Variants in PCDHGA4 observed in about 807,000 individuals in gnomAD.
The protein encoded by PCDHGA4 is protocadherin gamma subfamily A, 4, also known as protocadherin gamma-A4.
A neutral mutation model predicts 54.6 loss-of-function variants in PCDHGA4; 38 were observed. The ratio of observed to expected loss-of-function variants is 0.70; its 90% CI spans 0.54 to 0.91. PCDHGA4 has a LOEUF of 0.91. Ranked by LOEUF, PCDHGA4 falls within the 40% of genes least tolerant of loss-of-function variation. The probability of loss-of-function intolerance (pLI) is 0.00; values close to 1 mark genes in which losing one functional copy is unlikely to be tolerated. For synonymous variants in PCDHGA4, 511 were observed against 512.9 expected (o/e 1.00, Z 0.05); for missense variants, 1,298 against 1,220.9 (o/e 1.06, Z -0.94).
chr5:141,447,123 TTTTG>T (rs1327676720), intron 1 of PCDHGA4, among the ~76,000 whole-genome samples: 7 of 152,278 alleles, frequency 4.6e-5, no homozygotes, highest in African/African-American at 1.4e-4. Context: ...CCATGGATTT[TTTTG>T]TTTGTTTGTT....
Position 141,361,957 on chromosome 5 carries a change from G to C in PCDHGA4, c.2514+4336G>C, listed in dbSNP as rs976081209. On this transcript the variant is annotated intron_variant, in intron 1 of 3. Transcript: ENST00000571252. The stretch of plus-strand genomic sequence containing the variant: ...ACACAACGCTTGGCTGTCCTACCAC[G>C]TGCTGCAGGCCAGCGAGCCCGGGCT... 1.0e-5 allele frequency: 16 copies of C among 1,603,004 alleles called. No individual in the cohort carries two copies. In the Admixed American group the frequency reaches 1.8e-4, roughly 19 times the overall value.
At chr5:141,368,374 T>TACACACATACAC (rs1250465847) in intron 1 of PCDHGA4, among the ~76,000 whole-genome samples, 1 of 152,022 alleles carries the variant, frequency 6.6e-6, no homozygotes, top group African/African-American at 2.4e-5. Context: ...CACATATATA[T>TACACACATACAC]ACACACATAC....
intron 1 of PCDHGA4, chr5:141,395,266 T>C (rs1369566717): frequency 1.9e-6 from 3 of 1,548,854 alleles, no homozygotes; most frequent in Non-Finnish European, 8.7e-7. Context: ...TTGCTTTTAA[T>C]TTCCAGATGA....
At position 141,493,396 on chromosome 5, in the gene PCDHGA4, G is replaced by A. The variant is rs562217310; in HGVS notation, c.2515-1411G>A. 1.3e-5 allele frequency among the ~76,000 whole-genome samples: 2 copies of A among 152,274 alleles called. No homozygotes were observed. Among genetic ancestry groups the A allele is most frequent in the East Asian group, 3.9e-4 (2 of 5,178 alleles). The stretch of plus-strand genomic sequence containing the variant: ...TTTAAAAGCTTGAGGACAGGAGAGG[G>A]GAGTTGCCTCTGCTGGGATTTTGCT... On this transcript the variant is annotated intron_variant, in intron 1 of 3. Transcript: ENST00000571252. This position sits in a 1 kb window ranked among gnomAD's most constrained non-coding sequence, Gnocchi z 4.3.
intron 1 of PCDHGA4, chr5:141,371,334 A>G (rs1767674983): frequency 3.1e-6 from 5 of 1,613,888 alleles, no homozygotes; most frequent in Non-Finnish European, 4.2e-6. Context: ...AGAGAGAGAT[A>G]GCTACACAAT....
chr5:141,371,469 G>T, intron 1 of PCDHGA4: 1 of 1,613,990 alleles, frequency 6.2e-7, no homozygotes, highest in Non-Finnish European at 8.5e-7. Flanking sequence ...TATACAAGAA[G>T]ATGCTGAGCT....
At chr5:141,426,714 C>T (rs779529448) in intron 1 of PCDHGA4, 2 of 444,724 alleles carry the variant, frequency 4.5e-6, no homozygotes, top group South Asian at 3.1e-5. Flanking sequence ...AATCAATGAA[C>T]TAGCAATTCC....
At chr5:141,409,830 G>T in intron 1 of PCDHGA4, 1 of 1,611,250 alleles carries the variant, frequency 6.2e-7, no homozygotes, top group South Asian at 1.1e-5. Flanking sequence ...CCCACGCTCA[G>T]CGCCAACGTG....
chr5:141,509,027 A>G (rs1409179803), intron 3 of PCDHGA4, among the ~76,000 whole-genome samples: 1 of 151,700 alleles, frequency 6.6e-6, no homozygotes, highest in Non-Finnish European at 1.5e-5. Flanking sequence ...GCTCCCTCCC[A>G]CTCAACCCCT....
chr5:141,511,215 A>G lies in PCDHGA4; in HGVS notation c.*42A>G, dbSNP rs1562250541. On this transcript the variant is annotated 3_prime_UTR_variant, in exon 4 of 4. Coordinates refer to ENST00000571252, the MANE Select transcript of PCDHGA4 (RefSeq NM_018917.4). ...AGAGCCACAGGGCGGCCTCTCCCCA[A>G]CCAGCCCAGCTTCTCCTTACCTGCA... The G allele has an allele frequency of 1.2e-6, 2 of 1,608,380 alleles. No individual in the cohort carries two copies. The highest frequency in any genetic ancestry group is 2.2e-5 in the East Asian group (1 of 44,560).
intron 1 of PCDHGA4, chr5:141,415,512 T>C (rs997659180): frequency 1.9e-6 from 3 of 1,614,234 alleles, no homozygotes; most frequent in Non-Finnish European, 2.5e-6. Context: ...AGCCCAATTA[T>C]GCGGACACGC....
intron 1 of PCDHGA4, among the ~76,000 whole-genome samples, chr5:141,382,481 T>C (rs1778238182): frequency 6.6e-6 from 1 of 152,228 alleles, no homozygotes; most frequent in Non-Finnish European, 1.5e-5. Flanking sequence ...TCTAAGATTA[T>C]CAAACACCGG....
Position 141,476,702 on chromosome 5 carries a change from C to CTGG in PCDHGA4, c.2515-18102_2515-18100dup, listed in dbSNP as rs1562056101. On this transcript the variant is annotated intron_variant, in intron 1 of 3. Coordinates refer to ENST00000571252, the MANE Select transcript of PCDHGA4 (RefSeq NM_018917.4). This position sits in a 1 kb window ranked among gnomAD's most constrained non-coding sequence, Gnocchi z 7.6. ...GGAGGACAGCACCAAGTACGCGGAG[C>CTGG]TGGTGTTGGAGCGCGCCCTGGACCG... 5 of 1,614,222 alleles carry CTGG rather than the reference C, an allele frequency of 3.1e-6. No homozygotes were observed. The highest frequency in any genetic ancestry group is 4.2e-6 in the Non-Finnish European group (5 of 1,180,042).
At position 141,492,010 on chromosome 5, in the gene PCDHGA4, G is replaced by A. The variant is rs2099736138; in HGVS notation, c.2515-2797G>A. 2 of 617,370 alleles carry A rather than the reference G, an allele frequency of 3.2e-6. 1 individual carries two copies. Among genetic ancestry groups the A allele is most frequent in the Middle Eastern group, 8.7e-4 (2 of 2,312 alleles). The allele number at this position is 617,370 out of a possible 1,614,324, so 38.2% of individuals were successfully genotyped here. On this transcript the variant is annotated intron_variant, in intron 1 of 3. Transcript: ENST00000571252. Reference sequence around the variant, plus strand: ...GGTGAATTTCGGGCGATTTCCGCGGGTGTCGGGGGTCCCGGGAGGAGGCAG... The same window carrying A: ...GGTGAATTTCGGGCGATTTCCGCGGATGTCGGGGGTCCCGGGAGGAGGCAG...
intron 1 of PCDHGA4, among the ~76,000 whole-genome samples, chr5:141,471,883 C>T (rs951573411): frequency 6.6e-6 from 1 of 152,084 alleles, no homozygotes; most frequent in Non-Finnish European, 1.5e-5. Flanking sequence ...GAGGCTGAAG[C>T]TAGGAAGATT....
chr5:141,466,822 G>A (rs1396286898), intron 1 of PCDHGA4, among the ~76,000 whole-genome samples: 4 of 152,046 alleles, frequency 2.6e-5, no homozygotes. Flanking sequence ...GGTATAACAA[G>A]TTAGTATGGG....
chr5:141,364,444 G>T (rs763812154), intron 1 of PCDHGA4: 10 of 1,613,956 alleles, frequency 6.2e-6, no homozygotes, highest in Non-Finnish European at 8.5e-6. Context: ...TGCCGGAGGA[G>T]CTGGACAAAG....
intron 1 of PCDHGA4, chr5:141,375,646 C>G (rs765389165): frequency 1.2e-6 from 2 of 1,614,228 alleles, no homozygotes; most frequent in Non-Finnish European, 1.7e-6. Flanking sequence ...GCTCCTTCGA[C>G]TATGAGCAGT....
intron 1 of PCDHGA4, among the ~76,000 whole-genome samples, chr5:141,467,955 G>A (rs1049980375): frequency 2.0e-5 from 3 of 151,666 alleles, no homozygotes; most frequent in Non-Finnish European, 2.9e-5. Context: ...CACCACACCC[G>A]GCTGCCAGAA....
Sources: gnomAD v4.1 joint callset for allele counts (sites outside exome capture counted in the v4.1 genomes callset) on GRCh38, gnomAD v4.1.1 for gene constraint, Gnocchi (gnomAD v3.1) non-coding constraint, MANE v1.5 for transcripts, NCBI Gene and HGNC (gene_info 2026-07-23, HGNC 2026-07-21) for gene names.